The following SYT1 variants were observed in gnomAD, a reference collection of about 807,000 sequenced individuals.
The protein encoded by SYT1 is synaptotagmin 1.
Under a neutral mutation model 44.8 loss-of-function variants are expected in SYT1, and 8 were observed. The ratio of observed to expected loss-of-function variants is 0.18; its 90% CI spans 0.10 to 0.32. SYT1 has a LOEUF of 0.32. SYT1 is among the 10% of genes least tolerant of loss of function. The probability of loss-of-function intolerance (pLI) is 1.00; values close to 1 mark genes in which losing one functional copy is unlikely to be tolerated. For missense variants in SYT1, 286 were observed against 509.3 expected, an observed-to-expected ratio of 0.56 and a Z score of 4.22; for synonymous variants, 154 against 188.8, an observed-to-expected ratio of 0.82 and a Z score of 1.51.
chr12:78,966,080 A>G (rs1015033571), intron 1 of SYT1, among the ~76,000 whole-genome samples: 8 of 151,664 alleles, frequency 5.3e-5, no homozygotes, highest in Admixed American at 2.6e-4. Flanking sequence ...CTGTCTCAAA[A>G]AAAAAAAAAA....
At chr12:79,281,550 G>A (rs766577292) in intron 4 of SYT1, among the ~76,000 whole-genome samples, 56 of 152,106 alleles carry the variant, frequency 3.7e-4, no homozygotes, top group Admixed American at 1.3e-4. Context: ...GGGGATGAGA[G>A]ATTAAATATT....
At chr12:79,038,028 T>C (rs1873254229) in intron 2 of SYT1, among the ~76,000 whole-genome samples, 1 of 151,630 alleles carries the variant, frequency 6.6e-6, no homozygotes, top group Admixed American at 6.6e-5. Context: ...TGTTTATTGC[T>C]CTATAATTTT....
chr12:79,401,569 G>A (rs375811210), intron 9 of SYT1, among the ~76,000 whole-genome samples: 8 of 151,946 alleles, frequency 5.3e-5, no homozygotes, highest in Admixed American at 3.9e-4. Flanking sequence ...AATTTCTGTA[G>A]AAAGAATTTT....
chr12:79,178,001 G>A (rs1398391833), intron 3 of SYT1, among the ~76,000 whole-genome samples: 2 of 150,972 alleles, frequency 1.3e-5, no homozygotes, highest in African/African-American at 2.4e-5. Context: ...TAGGTTGCCT[G>A]TTCACTCTGA....
chr12:78,973,932 AAAAAAAATAT>A (rs1868586923), intron 1 of SYT1, among the ~76,000 whole-genome samples: 2 of 34,036 alleles, frequency 5.9e-5, no homozygotes, highest in African/African-American at 2.3e-4. Context: ...AAAAAAAAAA[AAAAAAAATAT>A]ATATATATAT....
chr12:79,106,119 T>C (rs1217807311), intron 3 of SYT1, among the ~76,000 whole-genome samples: 1 of 152,174 alleles, frequency 6.6e-6, no homozygotes, highest in Non-Finnish European at 1.5e-5. Flanking sequence ...TTCCTGCAGC[T>C]ATCCAGCAAG....
intron 4 of SYT1, among the ~76,000 whole-genome samples, chr12:79,219,005 C>T (rs1404768085): frequency 6.6e-6 from 1 of 152,146 alleles, no homozygotes; most frequent in East Asian, 1.9e-4. Context: ...TCCCTTTTCT[C>T]CACATCCTCG....
chr12:79,383,049 AG>A (rs1316775119), intron 9 of SYT1, among the ~76,000 whole-genome samples: 2 of 114,920 alleles, frequency 1.7e-5, no homozygotes, highest in Admixed American at 1.5e-4. Flanking sequence ...ACATGCTAAT[AG>A]AGGCCTTATA....
At chr12:79,064,855 C>G (rs1047128859) in intron 3 of SYT1, among the ~76,000 whole-genome samples, 2 of 151,454 alleles carry the variant, frequency 1.3e-5, no homozygotes, top group Non-Finnish European at 2.9e-5. Context: ...CTCTCTCCTG[C>G]TCCAGTACTC....
At chr12:79,350,560 G>GCAT (rs1176113495) in intron 8 of SYT1, among the ~76,000 whole-genome samples, 14 of 152,072 alleles carry the variant, frequency 9.2e-5, no homozygotes, top group Non-Finnish European at 2.1e-4. Flanking sequence ...CCCTCAGGAT[G>GCAT]CATATTCTTG....
At chr12:78,881,422 T>C (rs969747098) in intron 1 of SYT1, among the ~76,000 whole-genome samples, 1 of 151,726 alleles carries the variant, frequency 6.6e-6, no homozygotes, top group African/African-American at 2.4e-5. Flanking sequence ...CCACCCCCTT[T>C]TGGTTTTGAA....
rs367882623 is a variant in SYT1, at chr12:78,985,341, G to A, written c.-84+7410G>A. Among the ~76,000 whole-genome samples, 18 of 151,838 alleles carry A rather than the reference G, an allele frequency of 1.2e-4. 1 individual carries two copies. Among genetic ancestry groups the A allele is most frequent in the East Asian group, 5.8e-4 (3 of 5,158 alleles). Reference sequence around the variant, plus strand: ...TTTTCTAGGTGATAAGTTATTATACGATTTTGTTATTTAACTGTAAGCAAG... The same window carrying A: ...TTTTCTAGGTGATAAGTTATTATACAATTTTGTTATTTAACTGTAAGCAAG... On this transcript the variant is annotated intron_variant, in intron 2 of 10. Coordinates refer to ENST00000261205, the MANE Select transcript of SYT1 (RefSeq NM_005639.3).
At chr12:79,351,092 C>A (rs567970333) in intron 8 of SYT1, among the ~76,000 whole-genome samples, 17 of 152,202 alleles carry the variant, frequency 1.1e-4, no homozygotes, top group Admixed American at 4.6e-4. Context: ...GTAAAGGGTG[C>A]TTTAAAAAAG....
intron 9 of SYT1, among the ~76,000 whole-genome samples, chr12:79,390,536 A>G (rs1884617400): frequency 6.6e-6 from 1 of 151,848 alleles, no homozygotes; most frequent in Non-Finnish European, 1.5e-5. Context: ...TTTATTTTCA[A>G]TTTACCCTCT....
chr12:79,096,530 G>A (rs1878141676), intron 3 of SYT1, among the ~76,000 whole-genome samples: 1 of 151,922 alleles, frequency 6.6e-6, no homozygotes, highest in African/African-American at 2.4e-5. Flanking sequence ...ACACTTCCTG[G>A]GGCAGCTGAG....
intron 2 of SYT1, among the ~76,000 whole-genome samples, chr12:79,031,432 A>C (rs1460714517): frequency 1.3e-5 from 2 of 151,124 alleles, no homozygotes; most frequent in Non-Finnish European, 3.0e-5. Flanking sequence ...ACAATAAAGA[A>C]ACATGAACAA....
chr12:79,358,259 TTAAAA>T (rs566255895), intron 9 of SYT1, among the ~76,000 whole-genome samples: 174 of 152,200 alleles, frequency 1.1e-3, no homozygotes, highest in Non-Finnish European at 2.1e-3. Flanking sequence ...ACACTAAACT[TTAAAA>T]TAAGCAAAAA....
Position 79,072,460 on chromosome 12 carries a change from A to T in SYT1, c.-18+25098A>T, listed in dbSNP as rs139594877. On this transcript the variant is annotated intron_variant, in intron 3 of 10. Transcript: ENST00000261205. ...ACATAAGCATAAATACGTACATAAGATTAACACATTTTATCTATAAGTTAT... is the reference window on the plus strand; with the variant it reads ...ACATAAGCATAAATACGTACATAAGTTTAACACATTTTATCTATAAGTTAT... Among the ~76,000 whole-genome samples, 106 of 152,270 alleles carry T rather than the reference A, an allele frequency of 7.0e-4. No homozygotes were observed. The East Asian group carries it at 0.018, about 25-fold the overall frequency.
At position 79,273,939 on chromosome 12, in the gene SYT1, C is replaced by T. The variant is rs369949874; in HGVS notation, c.167-11848C>T. On this transcript the variant is annotated intron_variant, in intron 4 of 10. Coordinates refer to ENST00000261205, the MANE Select transcript of SYT1 (RefSeq NM_005639.3). ...TCTCTACTAAAAATACAGAAATTAG[C>T]TGGCCGTGGTGGCACGCACTGGTAG... Among the ~76,000 whole-genome samples the T allele has an allele frequency of 2.5e-4, 38 of 152,244 alleles. No individual in the cohort carries two copies. In the East Asian group the frequency reaches 5.4e-3, roughly 22 times the overall value.
Sources: gnomAD v4.1 joint callset for allele counts (sites outside exome capture counted in the v4.1 genomes callset) on GRCh38, gnomAD v4.1.1 for gene constraint, MANE v1.5 for transcripts, NCBI Gene and HGNC (gene_info 2026-07-23, HGNC 2026-07-21) for gene names.